PCIF1: variants seen among roughly 807,000 people sequenced by gnomAD.
The protein encoded by PCIF1 is mRNA (2'-O-methyladenosine-N(6)-)-methyltransferase.
A neutral mutation model predicts 86.9 loss-of-function variants in PCIF1; 12 were observed. The ratio of observed to expected loss-of-function variants is 0.14; its 90% CI spans 0.09 to 0.22. PCIF1 has a LOEUF of 0.22. Among genes scored for constraint, PCIF1 ranks in the 10% least tolerant of loss-of-function variants. PCIF1 has a pLI of 1.00. For synonymous variants in PCIF1, 397 were observed against 372.0 expected, an observed-to-expected ratio of 1.07 and a Z score of -0.77; for missense variants, 701 against 951.1, an observed-to-expected ratio of 0.74 and a Z score of 3.46.
intron 12 of PCIF1, 38 bp from the exon 13 acceptor site, chr20:45,945,991 C>T: frequency 6.2e-7 from 1 of 1,612,878 alleles, no homozygotes; most frequent in East Asian, 2.2e-5. Context: ...CATGAGGGAG[C>T]ACTGCTGAAG....
At chr20:45,937,380 C>T (rs1655471942) in intron 1 of PCIF1, 38 bp from the exon 2 acceptor site, 1 of 399,318 alleles carries the variant, frequency 2.5e-6, no homozygotes, top group Non-Finnish European at 4.4e-6. Flanking sequence ...CCTGCAGCAT[C>T]CCACAGGTCT....
chr20:45,945,641 G>A (rs1726754651), intron 11 of PCIF1, 70 bp from the exon 12 acceptor site: 1 of 1,554,706 alleles, frequency 6.4e-7, no homozygotes, highest in Non-Finnish European at 8.8e-7. Flanking sequence ...TCGGTACAAA[G>A]CATGTGGCCC....
Position 45,943,640 on chromosome 20 carries a change from T to A in PCIF1, c.906-26T>A. The A allele has an allele frequency of 6.5e-7, 1 of 1,548,838 alleles. No individual in the cohort carries two copies. Among genetic ancestry groups the A allele is most frequent in the Non-Finnish European group, 8.7e-7 (1 of 1,143,736 alleles). On this transcript the variant is annotated intron_variant, in intron 9 of 16. Coordinates refer to ENST00000372409, the MANE Select transcript of PCIF1 (RefSeq NM_022104.4). The surrounding 1 kb of genome is among the most constrained non-coding windows in gnomAD (Gnocchi z 5.5). ...GGAGGGTGGAGCCAAGCCATTCCTT[T>A]CTTCTGCCCTCCCCTTGACTGGCAG... is the stretch of plus-strand genomic sequence containing the variant.
In PCIF1 at chr20:45,943,283, G is replaced by T. The variant is rs1435745439; in HGVS notation, c.821+39G>T. The T allele has an allele frequency of 8.1e-6, 13 of 1,613,768 alleles. No individual in the cohort carries two copies. The highest frequency in any genetic ancestry group is 1.1e-5 in the Non-Finnish European group (13 of 1,179,772). Reference sequence around the variant, plus strand: ...GCTGGGGATGACCCTGGGCCATTTGGTTTCTGTGCCCAGTCATGTATAGAA... The same window carrying T: ...GCTGGGGATGACCCTGGGCCATTTGTTTTCTGTGCCCAGTCATGTATAGAA... On this transcript the variant is annotated intron_variant, in intron 8 of 16. Coordinates refer to ENST00000372409, the MANE Select transcript of PCIF1 (RefSeq NM_022104.4). This position sits in a 1 kb window ranked among gnomAD's most constrained non-coding sequence, Gnocchi z 5.5.
At position 45,940,742 on chromosome 20, in the gene PCIF1, G is replaced by A. The variant is rs953950609; in HGVS notation, c.388-67G>A. The A allele has an allele frequency of 1.6e-5, 26 of 1,592,900 alleles. No individual in the cohort carries two copies. In the Admixed American group the frequency reaches 4.5e-4, roughly 27 times the overall value. ...GCCTGGGACACAGTTCACCAGGTGT[G>A]CACTGTATTGGATGGAGCCTCTCTG... On this transcript the variant is annotated intron_variant, in intron 5 of 16. Coordinates refer to ENST00000372409, the MANE Select transcript of PCIF1 (RefSeq NM_022104.4).
chr20:45,941,938 A>G (rs2083473651), intron 7 of PCIF1, among the ~76,000 whole-genome samples: 1 of 149,034 alleles, frequency 6.7e-6, no homozygotes, highest in South Asian at 2.1e-4. Flanking sequence ...TTGCTCAAAT[A>G]TAGAATCCTC....
intron 1 of PCIF1, among the ~76,000 whole-genome samples, 152 bp from the exon 2 acceptor site, chr20:45,937,266 A>G (rs2083435045): frequency 6.6e-6 from 1 of 152,230 alleles, no homozygotes. Flanking sequence ...AGAAAGCTTA[A>G]GAGGTATCAT....
intron 1 of PCIF1, among the ~76,000 whole-genome samples, chr20:45,935,239 C>T (rs1158138378): frequency 1.6e-4 from 24 of 151,844 alleles, no homozygotes; most frequent in Non-Finnish European, 4.4e-5. Context: ...CTTCGTGCGC[C>T]GTCGCGCCTG....
At chr20:45,940,665 G>A (rs45628836) in intron 5 of PCIF1, 53 bp downstream of exon 5, 60,524 of 1,575,320 alleles carry the variant, frequency 0.038, 1,360 homozygotes, top group African/African-American at 0.053. Flanking sequence ...CAGACGGGCC[G>A]CCTGCAGGCT....
At chr20:45,945,448 CCTT>C (rs1238481569) in intron 11 of PCIF1, among the ~76,000 whole-genome samples, 8 of 152,248 alleles carry the variant, frequency 5.3e-5, no homozygotes, top group African/African-American at 1.9e-4. Context: ...CGGGCCTGAG[CCTT>C]CTTGCCTGAC....
In PCIF1 at chr20:45,945,684, G is replaced by GTCCCT. The variant is rs773422276; in HGVS notation, c.1169-26_1169-22dup. On this transcript the variant is annotated intron_variant, in intron 11 of 16. Transcript: ENST00000372409. Reference sequence around the variant, plus strand: ...CTGCAGCGTGAGAATGAGGAGTGTGGTCCCTCACTGCTCTCCCTGCCCACA... The same window carrying GTCCCT: ...CTGCAGCGTGAGAATGAGGAGTGTGGTCCCTTCCCTCACTGCTCTCCCTGCCCACA... 73 of 1,606,598 alleles carry GTCCCT rather than the reference G, an allele frequency of 4.5e-5. No homozygotes were observed. The African/African-American group carries it at 9.2e-4, about 20-fold the overall frequency.
intron 7 of PCIF1, among the ~76,000 whole-genome samples, chr20:45,941,490 G>T (rs1014876821): frequency 1.3e-5 from 2 of 152,032 alleles, no homozygotes; most frequent in Non-Finnish European, 1.5e-5. Flanking sequence ...GTCTTGTTCT[G>T]TAGCCCCTGC....
At position 45,947,763 on chromosome 20, in the gene PCIF1, T is replaced by A. The variant is rs1351138623; in HGVS notation, c.*8T>A. The A allele has an allele frequency of 1.3e-6, 2 of 1,592,636 alleles. No homozygotes were observed. The highest frequency in any genetic ancestry group is 1.7e-6 in the Non-Finnish European group (2 of 1,171,740). On this transcript the variant is annotated 3_prime_UTR_variant, in exon 17 of 17. Transcript: ENST00000372409. The surrounding 1 kb of genome is among the most constrained non-coding windows in gnomAD (Gnocchi z 5.4). The stretch of plus-strand genomic sequence containing the variant: ...GAGCCTCACCCCACTTAACATATCC[T>A]GCGGGGAGGAGGAGCCCCAGGGGTG...
intron 5 of PCIF1, 23 bp downstream of exon 5, chr20:45,940,635 C>T (rs201423412): frequency 5.1e-5 from 81 of 1,590,124 alleles, no homozygotes; most frequent in Non-Finnish European, 6.6e-5. Context: ...GGCCAGGAGC[C>T]GGCTGCCGAG....
In PCIF1 at chr20:45,938,239, G is replaced by C. The variant is rs76370013; in HGVS notation, c.-20+654G>C. 6.3e-3 allele frequency among the ~76,000 whole-genome samples: 963 copies of C among 152,310 alleles called. 4 individuals carry two copies. Among genetic ancestry groups the C allele is most frequent in the East Asian group, 0.036 (185 of 5,180 alleles). On this transcript the variant is annotated intron_variant, in intron 2 of 16. Coordinates refer to ENST00000372409, the MANE Select transcript of PCIF1 (RefSeq NM_022104.4). ...ATATTCACCTGGGGATTATGAAGGA[G>C]TCAATTAGATAGTCCTTCTTGGTTG... is the stretch of plus-strand genomic sequence containing the variant.
chr20:45,939,875 G>T (rs1026829486), intron 4 of PCIF1, among the ~76,000 whole-genome samples: 19 of 152,288 alleles, frequency 1.2e-4, no homozygotes, highest in African/African-American at 4.3e-4. Context: ...TCTCAGCTGG[G>T]GCAGCATTTC....
In PCIF1 at chr20:45,939,057, C is replaced by G. The variant is rs2083448292; in HGVS notation, c.58C>G (p.Pro20Ala). The change falls in exon 3 of 17, where the codon CCA becomes GCA. Residue 20 changes from proline to alanine, a missense_variant. Transcript: ENST00000372409. ...REEASLLSHS[P>A]GTSNQSQPCS... ...GGAAGCGTCCCTGCTGAGTCACTCC[C>G]CAGGTACCTCCAATCAGAGCCAGCC... 6.2e-7 allele frequency: 1 copy of G among 1,613,986 alleles called. No homozygotes were observed. Among genetic ancestry groups the G allele is most frequent in the Non-Finnish European group, 8.5e-7 (1 of 1,179,974 alleles).
At chr20:45,938,835 G>C in intron 2 of PCIF1, 146 bp from the exon 3 acceptor site, 1 of 1,028,604 alleles carries the variant, frequency 9.7e-7, no homozygotes, top group Non-Finnish European at 1.4e-6. Context: ...TAGATCCCAG[G>C]GCTGCTGTGT....
intron 1 of PCIF1, among the ~76,000 whole-genome samples, chr20:45,936,068 G>A (rs908138513): frequency 6.6e-6 from 1 of 152,224 alleles, no homozygotes; most frequent in Non-Finnish European, 1.5e-5. Flanking sequence ...TATTCAGAGC[G>A]TGTCTTTGAC....
Sources: gnomAD v4.1 joint callset for allele counts (sites outside exome capture counted in the v4.1 genomes callset) on GRCh38, gnomAD v4.1.1 for gene constraint, Gnocchi (gnomAD v3.1) non-coding constraint, MANE v1.5 for transcripts, NCBI Gene and HGNC (gene_info 2026-07-23, HGNC 2026-07-21) for gene names.